UST: variants seen among roughly 807,000 people sequenced by gnomAD.
The protein encoded by UST is uronyl 2-sulfotransferase.
Under a neutral mutation model 45.6 loss-of-function variants are expected in UST, and 21 were observed. That is an observed-to-expected ratio of 0.46 (90% confidence interval 0.33 to 0.66). UST has a LOEUF of 0.66. Ranked by LOEUF, UST falls within the 30% of genes least tolerant of loss-of-function variation. The probability of loss-of-function intolerance (pLI) is 0.02; values close to 1 mark genes in which losing one functional copy is unlikely to be tolerated. For synonymous variants in UST, 215 were observed against 200.6 expected (o/e 1.07, Z -0.61); for missense variants, 463 against 512.4 (o/e 0.90, Z 0.93).
chr6:148,955,391 A>G (rs1381070959), intron 4 of UST, among the ~76,000 whole-genome samples: 1 of 152,264 alleles, frequency 6.6e-6, no homozygotes, highest in Non-Finnish European at 1.5e-5. Flanking sequence ...TATTAAGCAG[A>G]GAAAAGGAGC....
chr6:148,887,139 G>A, intron 2 of UST, 110 bp downstream of exon 2: 1 of 835,284 alleles, frequency 1.2e-6, no homozygotes, highest in Non-Finnish European at 2.0e-6. Context: ...AGAAACAGTA[G>A]ATGACATATG....
At chr6:148,813,136 CT>C (rs1777290461) in intron 1 of UST, among the ~76,000 whole-genome samples, 1 of 151,888 alleles carries the variant, frequency 6.6e-6, no homozygotes, top group African/African-American at 2.4e-5. Context: ...TGTAATTATT[CT>C]TATGGTTTTA....
chr6:148,964,800 T>A, intron 5 of UST: 1 of 549,328 alleles, frequency 1.8e-6, no homozygotes. Context: ...CTCAGTTGTC[T>A]TTAGTGCTAG....
In UST at chr6:148,793,454, C is replaced by A. The variant is rs139795087; in HGVS notation, c.247+45777C>A. On this transcript the variant is annotated intron_variant, in intron 1 of 7. Coordinates refer to ENST00000367463, the MANE Select transcript of UST (RefSeq NM_005715.3). ...AAACCCCCCTCCTCACCCTCCACCG[C>A]CTCTAACTGCAGAGGGGAGTGCCTG... 8.0e-3 allele frequency among the ~76,000 whole-genome samples: 1,214 copies of A among 152,304 alleles called. 17 individuals carry two copies. Among genetic ancestry groups the A allele is most frequent in the African/African-American group, 0.028 (1,159 of 41,554 alleles).
chr6:148,806,032 C>G (rs778182788), intron 1 of UST, among the ~76,000 whole-genome samples: 4 of 151,692 alleles, frequency 2.6e-5, no homozygotes, highest in Admixed American at 2.0e-4. Context: ...CTGGGAGGAC[C>G]AGTTTCTTTG....
intron 1 of UST, among the ~76,000 whole-genome samples, chr6:148,783,909 G>T (rs556669040): frequency 2.6e-5 from 4 of 152,134 alleles, no homozygotes; most frequent in Non-Finnish European, 5.9e-5. Flanking sequence ...AGGTGAAGAT[G>T]ATGAGCTACA....
At chr6:148,829,707 T>G (rs780578783) in intron 1 of UST, among the ~76,000 whole-genome samples, 1 of 152,184 alleles carries the variant, frequency 6.6e-6, no homozygotes, top group Non-Finnish European at 1.5e-5. Context: ...GGGGGTTCAC[T>G]TTTATATATT....
Position 148,790,722 on chromosome 6 carries a change from C to CG in UST, c.247+43049dup, listed in dbSNP as rs933055037. Among the ~76,000 whole-genome samples, 2 of 152,164 alleles carry CG rather than the reference C, an allele frequency of 1.3e-5. No homozygotes were observed. The highest frequency in any genetic ancestry group is 2.9e-5 in the Non-Finnish European group (2 of 68,040). ...TCGCCCAAGGTTATGCCTCTCCTCT[C>CG]GGGGCATCCCACATCCAATGCCTGG... On this transcript the variant is annotated intron_variant, in intron 1 of 7. Transcript: ENST00000367463. The surrounding 1 kb of genome is among the most constrained non-coding windows in gnomAD (Gnocchi z 4.2).
At chr6:149,009,009 CAG>C (rs1364517595) in intron 5 of UST, among the ~76,000 whole-genome samples, 1 of 152,114 alleles carries the variant, frequency 6.6e-6, no homozygotes, top group East Asian at 1.9e-4. Context: ...CCTTAAAAGA[CAG>C]GGGCTAAAAT....
chr6:149,042,179 A>G (rs1776324346), intron 7 of UST, among the ~76,000 whole-genome samples: 1 of 152,216 alleles, frequency 6.6e-6, no homozygotes, highest in Admixed American at 6.5e-5. Context: ...TTTGTATATG[A>G]CGTCACTATT....
chr6:148,974,170 G>A (rs1780973031), intron 5 of UST, among the ~76,000 whole-genome samples: 1 of 152,134 alleles, frequency 6.6e-6, no homozygotes, highest in South Asian at 2.1e-4. Flanking sequence ...ATGTTAGCAT[G>A]AGCTTATTAT....
intron 4 of UST, among the ~76,000 whole-genome samples, chr6:148,954,248 G>T (rs1033875336): frequency 2.0e-5 from 3 of 152,278 alleles, no homozygotes; most frequent in Admixed American, 2.0e-4. Flanking sequence ...TAAGAAGGCA[G>T]GAGATGGGTA....
chr6:149,066,441 T>C (rs1776730854), intron 7 of UST, among the ~76,000 whole-genome samples: 1 of 151,482 alleles, frequency 6.6e-6, no homozygotes, highest in Admixed American at 6.6e-5. Flanking sequence ...AGGTTGACAA[T>C]GAAGAAGAGG....
chr6:148,835,198 TA>T (rs754144023), intron 1 of UST, among the ~76,000 whole-genome samples: 103 of 152,286 alleles, frequency 6.8e-4, no homozygotes, highest in Admixed American at 2.0e-3. Context: ...GTATAACTAT[TA>T]ATACATAGCA....
chr6:148,793,117 A>G (rs901850318), intron 1 of UST, among the ~76,000 whole-genome samples: 7 of 152,176 alleles, frequency 4.6e-5, no homozygotes, highest in Non-Finnish European at 8.8e-5. Context: ...TTTTAATATT[A>G]AGAGAAACAA....
At chr6:148,923,678 G>A (rs1215684793) in intron 2 of UST, among the ~76,000 whole-genome samples, 3 of 152,118 alleles carry the variant, frequency 2.0e-5, no homozygotes, top group Admixed American at 6.5e-5. Flanking sequence ...AGGCCGAGGC[G>A]GGTGGATCAC....
intron 7 of UST, among the ~76,000 whole-genome samples, chr6:149,037,575 G>C (rs1437366795): frequency 6.6e-6 from 1 of 152,200 alleles, no homozygotes; most frequent in East Asian, 1.9e-4. Context: ...CTGGGAGCAG[G>C]AATGTGTTCA....
At chr6:149,030,302 T>A (rs139301328) in intron 7 of UST, among the ~76,000 whole-genome samples, 520 of 152,250 alleles carry the variant, frequency 3.4e-3, no homozygotes, top group Non-Finnish European at 5.2e-3. Context: ...AGTTAGTGAG[T>A]ACTAAGCATT....
At chr6:149,034,834 TTCTCTCTCTCTCTCTCTCTC>T (rs60813679) in intron 7 of UST, among the ~76,000 whole-genome samples, 2,296 of 45,676 alleles carry the variant, frequency 0.05, 50 homozygotes, top group East Asian at 0.13. Flanking sequence ...TTCATGCTCA[TTCTCTCTCTCTCTCTCTCTC>T]TCTCTCTCTC....
Sources: gnomAD v4.1 joint callset for allele counts (sites outside exome capture counted in the v4.1 genomes callset) on GRCh38, gnomAD v4.1.1 for gene constraint, Gnocchi (gnomAD v3.1) non-coding constraint, MANE v1.5 for transcripts, NCBI Gene and HGNC (gene_info 2026-07-23, HGNC 2026-07-21) for gene names.